The following FRMD4A variants were observed in gnomAD, a reference collection of about 807,000 sequenced individuals.
FRMD4A encodes the protein FERM domain-containing protein 4A.
In FRMD4A, 29 loss-of-function variants were observed where a neutral mutation model predicts 129.1. The observed-to-expected ratio is 0.22, with a 90% CI of 0.17 to 0.31. The LOEUF (loss-of-function observed/expected upper bound fraction) is 0.31. Ranked by LOEUF, FRMD4A falls within the 10% of genes least tolerant of loss-of-function variation. The pLI is 1.00. For synonymous variants in FRMD4A, 634 were observed against 571.6 expected (o/e 1.11, Z -1.56); for missense variants, 1,272 against 1,375.8 (o/e 0.92, Z 1.19).
intron 2 of FRMD4A, among the ~76,000 whole-genome samples, chr10:14,316,022 TGTTGATTGCC>T: frequency 6.6e-6 from 1 of 152,242 alleles, no homozygotes; most frequent in East Asian, 1.9e-4. Flanking sequence ...TCATAGACAC[TGTTGATTGCC>T]TATGCAGCAA....
intron 2 of FRMD4A, among the ~76,000 whole-genome samples, chr10:13,860,683 C>G (rs1440956416): frequency 6.6e-6 from 1 of 151,994 alleles, no homozygotes; most frequent in Non-Finnish European, 1.5e-5. Context: ...TCTCATAAAT[C>G]TTTCCTCAAG....
At position 13,853,829 on chromosome 10, in the gene FRMD4A, C is replaced by CAAA. The variant is rs745585369; in HGVS notation, c.111+5015_111+5017dup. On this transcript the variant is annotated intron_variant, in intron 3 of 24. Transcript: ENST00000357447. ...CCTGGGCGATAGAGCAAGACTCTCT[C>CAAA]AAAAAAAAAAAAAAAAAAAAAAAAC... Among the ~76,000 whole-genome samples, 323 of 89,266 alleles carry CAAA rather than the reference C, an allele frequency of 3.6e-3. 5 individuals are homozygous for CAAA. Among genetic ancestry groups the CAAA allele is most frequent in the African/African-American group, 0.011 (237 of 20,940 alleles). The allele number at this position is 89,266 out of a possible 152,430, so 58.6% of individuals were successfully genotyped here.
intron 2 of FRMD4A, among the ~76,000 whole-genome samples, chr10:13,988,773 T>A (rs2095592014): frequency 6.6e-6 from 1 of 152,152 alleles, no homozygotes; most frequent in South Asian, 2.1e-4. Flanking sequence ...TGCCTATCCA[T>A]CCGTCTATCT....
rs2058580342 is a variant in FRMD4A at position 13,646,231 on chromosome 10, T to G, written c.*807A>C. Reference sequence around the variant, plus strand: ...GGACACCAGTTTACATAGGGTTGACTTTCACTTGTGTGTAGTAGCAGTTCA... The same window carrying G: ...GGACACCAGTTTACATAGGGTTGACGTTCACTTGTGTGTAGTAGCAGTTCA... On this transcript the variant is annotated 3_prime_UTR_variant, in exon 25 of 25. Coordinates refer to ENST00000357447, the MANE Select transcript of FRMD4A (RefSeq NM_018027.5). The G allele has an allele frequency of 6.6e-6, 1 of 152,660 alleles. No individual in the cohort carries two copies. The highest frequency in any genetic ancestry group is 1.5e-5 in the Non-Finnish European group (1 of 68,056). 9.5% of individuals were successfully genotyped at this position (152,660 alleles called of 1,614,324 possible).
At chr10:14,094,976 A>G (rs1467125285) in intron 2 of FRMD4A, among the ~76,000 whole-genome samples, 1 of 152,076 alleles carries the variant, frequency 6.6e-6, no homozygotes, top group East Asian at 1.9e-4. Flanking sequence ...GTGGGGGGGA[A>G]CCAAGAGATC....
At chr10:14,008,162 CTGTGTGTGTGTGTGTGTGTGTGTGTGTG>C in intron 2 of FRMD4A, 1 of 628,410 alleles carries the variant, frequency 1.6e-6, no homozygotes, top group Non-Finnish European at 2.1e-6. Context: ...TGGTGTACAG[CTGTGTGTGTGTGTGTGTGTGTGTGTGTG>C]TGTGTGTGTG....
intron 2 of FRMD4A, among the ~76,000 whole-genome samples, chr10:14,319,032 C>T (rs1846864748): frequency 6.6e-6 from 1 of 152,150 alleles, no homozygotes; most frequent in Non-Finnish European, 1.5e-5. Context: ...TTTGAGGTGG[C>T]CCACATCATG....
intron 2 of FRMD4A, among the ~76,000 whole-genome samples, chr10:14,190,988 C>G (rs149627007): frequency 6.6e-6 from 1 of 152,160 alleles, no homozygotes; most frequent in Non-Finnish European, 1.5e-5. Context: ...AAGCTGGTTC[C>G]GTGCAGACCC....
chr10:13,778,570 A>G (rs1430074192), intron 6 of FRMD4A, among the ~76,000 whole-genome samples: 4 of 151,786 alleles, frequency 2.6e-5, no homozygotes, highest in Admixed American at 1.3e-4. Context: ...TTACAGAAGG[A>G]AAGTGATGGC....
At chr10:14,251,526 C>T (rs10796175) in intron 2 of FRMD4A, among the ~76,000 whole-genome samples, 39,747 of 152,084 alleles carry the variant, frequency 0.26, 5,296 homozygotes, top group Middle Eastern at 0.34. Flanking sequence ...AAGCTGCACC[C>T]AATTTCCCAT....
At chr10:13,890,138 T>C (rs2094677524) in intron 2 of FRMD4A, among the ~76,000 whole-genome samples, 1 of 152,166 alleles carries the variant, frequency 6.6e-6, no homozygotes, top group Non-Finnish European at 1.5e-5. Context: ...GAGGCTTTGG[T>C]CTTCTGGCCC....
intron 2 of FRMD4A, among the ~76,000 whole-genome samples, chr10:14,106,982 A>G (rs1387144951): frequency 6.6e-6 from 1 of 152,252 alleles, no homozygotes; most frequent in Non-Finnish European, 1.5e-5. Flanking sequence ...GGATAAAGAA[A>G]ATGTGGTACA....
chr10:14,163,473 C>T (rs1421059723), intron 2 of FRMD4A, among the ~76,000 whole-genome samples: 1 of 152,208 alleles, frequency 6.6e-6, no homozygotes, highest in African/African-American at 2.4e-5. Flanking sequence ...TTCTAGCTTC[C>T]GGAGAGCTTG....
At chr10:13,650,856 C>T (rs1291263430) in intron 24 of FRMD4A, among the ~76,000 whole-genome samples, 1 of 152,224 alleles carries the variant, frequency 6.6e-6, no homozygotes, top group East Asian at 1.9e-4. Flanking sequence ...CCTCCCACGG[C>T]AGGCTTCTGA....
intron 2 of FRMD4A, among the ~76,000 whole-genome samples, chr10:13,923,538 T>A (rs72774641): frequency 1.2e-3 from 185 of 152,334 alleles, no homozygotes; most frequent in African/African-American, 4.4e-3. Flanking sequence ...ATCATGTATA[T>A]GCTATGATAC....
At chr10:13,809,102 C>T (rs990614169) in intron 4 of FRMD4A, among the ~76,000 whole-genome samples, 21 of 152,190 alleles carry the variant, frequency 1.4e-4, no homozygotes, top group African/African-American at 1.9e-4. Flanking sequence ...GTGTGTGCAC[C>T]CCCTGCTGTG....
At chr10:13,872,366 G>A (rs546372186) in intron 2 of FRMD4A, among the ~76,000 whole-genome samples, 2 of 152,252 alleles carry the variant, frequency 1.3e-5, no homozygotes, top group Non-Finnish European at 2.9e-5. Flanking sequence ...ACTTCGTTCA[G>A]ACAGGACGCT....
chr10:14,245,152 G>C (rs536513614), intron 2 of FRMD4A, among the ~76,000 whole-genome samples: 1 of 152,114 alleles, frequency 6.6e-6, no homozygotes, highest in Non-Finnish European at 1.5e-5. Flanking sequence ...CTTACGCTTG[G>C]GTCCCCAGGA....
At chr10:13,998,090 A>G (rs2095629251) in intron 2 of FRMD4A, among the ~76,000 whole-genome samples, 1 of 152,050 alleles carries the variant, frequency 6.6e-6, no homozygotes, top group African/African-American at 2.4e-5. Context: ...TGCTGGTTCC[A>G]CCACATGGAG....
Sources: allele counts gnomAD v4.1 joint callset (sites outside exome capture counted in the v4.1 genomes callset), GRCh38; gene constraint gnomAD v4.1.1; transcripts MANE v1.5; gene names NCBI Gene and HGNC (gene_info 2026-07-23, HGNC 2026-07-21).